The following FSTL4 variants were observed in gnomAD, a reference collection of about 807,000 sequenced individuals.
The protein encoded by FSTL4 is follistatin-related protein 4.
In FSTL4, 28 loss-of-function variants were observed where a neutral mutation model predicts 78.2. The ratio of observed to expected loss-of-function variants is 0.36; its 90% CI spans 0.27 to 0.49. The LOEUF is 0.49. Among genes scored for constraint, FSTL4 ranks in the 20% least tolerant of loss-of-function variants. FSTL4 has a pLI of 0.98. For missense variants in FSTL4, 922 were observed against 1,084.9 expected (o/e 0.85, Z 2.11); for synonymous variants, 422 against 440.5 (o/e 0.96, Z 0.53).
At chr5:133,554,858 C>A (rs1229352713) in intron 3 of FSTL4, among the ~76,000 whole-genome samples, 1 of 152,158 alleles carries the variant, frequency 6.6e-6, no homozygotes, top group African/African-American at 2.4e-5. Flanking sequence ...AGAATCAAAC[C>A]GCGCTGCTAG....
chr5:133,311,644 G>A (rs1050126650), intron 6 of FSTL4, among the ~76,000 whole-genome samples: 5 of 152,326 alleles, frequency 3.3e-5, no homozygotes, highest in Admixed American at 2.0e-4. Flanking sequence ...GGAATACTTT[G>A]CTGGAAAACG....
chr5:133,249,915 G>C (rs1752167639), intron 6 of FSTL4, among the ~76,000 whole-genome samples: 1 of 152,238 alleles, frequency 6.6e-6, no homozygotes, highest in Non-Finnish European at 1.5e-5. Flanking sequence ...CGGGGGGCAG[G>C]GGTGCAGCGC....
At chr5:133,239,792 A>G (rs1316273055) in intron 7 of FSTL4, among the ~76,000 whole-genome samples, 1 of 152,188 alleles carries the variant, frequency 6.6e-6, no homozygotes, top group Non-Finnish European at 1.5e-5. Context: ...CTCTGTATCT[A>G]GCTAATCTAG....
At chr5:133,620,184 C>G in the FSTL4 span, among the ~76,000 whole-genome samples, 3 of 152,036 alleles carry the variant, frequency 2.0e-5, no homozygotes, top group African/African-American at 4.8e-5. Flanking sequence ...AGAATTGGTG[C>G]CTAAAATTCT....
At chr5:133,691,131 G>C in the FSTL4 span, among the ~76,000 whole-genome samples, 2 of 152,130 alleles carry the variant, frequency 1.3e-5, no homozygotes, top group Non-Finnish European at 2.9e-5. Context: ...TTGGAAAGGC[G>C]TTTTGGGGAG....
At chr5:133,763,639 G>C in the FSTL4 span, among the ~76,000 whole-genome samples, 1 of 152,064 alleles carries the variant, frequency 6.6e-6, no homozygotes, top group African/African-American at 2.4e-5. Context: ...GTTTCCCCAA[G>C]TACCTTCATT....
upstream of FSTL4, among the ~76,000 whole-genome samples, chr5:133,612,910 G>A (rs971345750): frequency 2.6e-5 from 4 of 152,206 alleles, no homozygotes; most frequent in African/African-American, 4.8e-5. This position sits in a 1 kb window ranked among gnomAD's most constrained non-coding sequence, Gnocchi z 6.2. Context: ...CAGGCGGGCC[G>A]GTACACCACA....
the FSTL4 span, among the ~76,000 whole-genome samples, chr5:133,663,864 A>C: frequency 1.3e-5 from 2 of 152,292 alleles, 1 homozygote; most frequent in Non-Finnish European, 2.9e-5. Flanking sequence ...CCGGGAGGTG[A>C]GGGGTCTGGA....
the FSTL4 span, among the ~76,000 whole-genome samples, chr5:133,684,979 TC>T: frequency 1.3e-5 from 2 of 152,232 alleles, no homozygotes; most frequent in African/African-American, 4.8e-5. Context: ...TTCACTTTAG[TC>T]TACACCCAGA....
chr5:133,820,821 T>G, the FSTL4 span, among the ~76,000 whole-genome samples: 1 of 152,210 alleles, frequency 6.6e-6, no homozygotes, highest in South Asian at 2.1e-4. Context: ...TGTAATATCT[T>G]ATATCCTCTC....
intron 7 of FSTL4, among the ~76,000 whole-genome samples, chr5:133,238,373 C>T (rs531208926): frequency 1.3e-5 from 2 of 152,302 alleles, no homozygotes; most frequent in South Asian, 2.1e-4. Flanking sequence ...CAATTCTGGC[C>T]CCCAGAATGC....
At chr5:133,582,412 G>T (rs1760435043) in intron 2 of FSTL4, among the ~76,000 whole-genome samples, 1 of 152,220 alleles carries the variant, frequency 6.6e-6, no homozygotes, top group Non-Finnish European at 1.5e-5. Context: ...GGAGGGCAAA[G>T]AGCACTCAGT....
intron 2 of FSTL4, among the ~76,000 whole-genome samples, chr5:133,602,279 C>T (rs1236250203): frequency 2.0e-5 from 3 of 152,116 alleles, no homozygotes; most frequent in Non-Finnish European, 1.5e-5. Context: ...AAGATAACAA[C>T]CCCCAAAAAG....
intron 6 of FSTL4, among the ~76,000 whole-genome samples, chr5:133,271,650 G>C (rs574099578): frequency 1.3e-5 from 2 of 152,320 alleles, no homozygotes; most frequent in East Asian, 3.9e-4. Context: ...TTTTATTAGA[G>C]AGTGAGTGAG....
intron 2 of FSTL4, among the ~76,000 whole-genome samples, chr5:133,593,448 A>G (rs1478929215): frequency 1.3e-5 from 2 of 152,030 alleles, no homozygotes; most frequent in Non-Finnish European, 2.9e-5. Flanking sequence ...GAGGTTCTGG[A>G]CACCAGAGGG....
chr5:133,616,310 A>ATCT (rs1554073702), upstream of FSTL4, among the ~76,000 whole-genome samples: 2 of 147,162 alleles, frequency 1.4e-5, no homozygotes, highest in Non-Finnish European at 3.0e-5. Flanking sequence ...TGAAAATCTA[A>ATCT]ATCTATCTAT....
intron 3 of FSTL4, among the ~76,000 whole-genome samples, chr5:133,446,016 C>T (rs956624780): frequency 2.6e-5 from 4 of 152,186 alleles, no homozygotes; most frequent in African/African-American, 9.7e-5. Context: ...CAAGGGCTAG[C>T]CATTTCCCCA....
chr5:133,502,414 A>G (rs1027181989), intron 3 of FSTL4, among the ~76,000 whole-genome samples: 6 of 152,212 alleles, frequency 3.9e-5, no homozygotes, highest in African/African-American at 1.4e-4. Context: ...AGCAGAGAGC[A>G]TCCCCTAGCT....
At chr5:133,828,693 G>A in the FSTL4 span, among the ~76,000 whole-genome samples, 1 of 152,186 alleles carries the variant, frequency 6.6e-6, no homozygotes, top group African/African-American at 2.4e-5. Flanking sequence ...CTCTGCAAAC[G>A]CTGGAGCCCC....
Sources: gnomAD v4.1 joint callset for allele counts (sites outside exome capture counted in the v4.1 genomes callset) on GRCh38, gnomAD v4.1.1 for gene constraint, Gnocchi (gnomAD v3.1) non-coding constraint, MANE v1.5 for transcripts, NCBI Gene and HGNC (gene_info 2026-07-23, HGNC 2026-07-21) for gene names.